SHQ1: variants seen among roughly 807,000 people sequenced by gnomAD.
SHQ1 encodes the protein protein SHQ1 homolog.
SHQ1 carries 49 observed loss-of-function variants against 53.8 expected under a neutral mutation model. That is an observed-to-expected ratio of 0.91 (90% CI 0.72 to 1.16). The LOEUF (loss-of-function observed/expected upper bound fraction) is 1.16, where lower values mean the gene tolerates loss of function less well. SHQ1 is among the 50% of genes most tolerant of loss of function. SHQ1 has a pLI of 0.00. For missense variants in SHQ1, 738 were observed against 683.1 expected (o/e 1.08, Z -0.90); for synonymous variants, 243 against 251.0 (o/e 0.97, Z 0.30).
the SHQ1 span, among the ~76,000 whole-genome samples, chr3:72,741,501 G>T: frequency 6.6e-6 from 1 of 152,016 alleles, no homozygotes; most frequent in Non-Finnish European, 1.5e-5. Flanking sequence ...CAGTAGAATT[G>T]CTTGAACCCA....
chr3:72,837,065 C>T (rs1049347324), intron 4 of SHQ1, among the ~76,000 whole-genome samples: 5 of 152,208 alleles, frequency 3.3e-5, no homozygotes, highest in African/African-American at 9.7e-5. Flanking sequence ...GTCCCAGGAG[C>T]TTGCTGGGTT....
chr3:72,811,516 GCT>G (rs1214027310), intron 9 of SHQ1, among the ~76,000 whole-genome samples: 2 of 152,168 alleles, frequency 1.3e-5, no homozygotes, highest in African/African-American at 2.4e-5. Context: ...CTCAATGATA[GCT>G]CTTTCATCCT....
chr3:72,758,633 G>A (rs924196868), intron 10 of SHQ1, among the ~76,000 whole-genome samples: 58 of 143,442 alleles, frequency 4.0e-4, no homozygotes, highest in African/African-American at 1.3e-3. Flanking sequence ...GCAATGGCAC[G>A]ATCTCGGCTC....
At chr3:72,726,037 G>A in the SHQ1 span, among the ~76,000 whole-genome samples, 4 of 152,264 alleles carry the variant, frequency 2.6e-5, no homozygotes, top group Admixed American at 2.6e-4. Context: ...GGAGGCCAAG[G>A]CAGGAGGATT....
the SHQ1 span, among the ~76,000 whole-genome samples, chr3:72,737,544 G>A: frequency 1.3e-5 from 2 of 152,144 alleles, no homozygotes; most frequent in African/African-American, 4.8e-5. Context: ...GGACCCCCAG[G>A]ATACCAAAAT....
chr3:72,848,393 C>G lies in SHQ1; in HGVS notation c.-53G>C, dbSNP rs1335435561. The stretch of plus-strand genomic sequence containing the variant: ...CGCTCGCTCTCACTGCCGCCGCGTT[C>G]CCGCCACGCAAACTCTCCAACTCCC... On this transcript the variant is annotated 5_prime_UTR_variant, in exon 1 of 11. Transcript: ENST00000325599. The G allele has an allele frequency of 1.2e-6, 2 of 1,604,242 alleles. No homozygotes were observed. Among genetic ancestry groups the G allele is most frequent in the African/African-American group, 2.7e-5 (2 of 74,658 alleles).
chr3:72,826,024 C>T (rs1406908701), intron 5 of SHQ1, among the ~76,000 whole-genome samples: 2 of 152,118 alleles, frequency 1.3e-5, no homozygotes, highest in South Asian at 2.1e-4. Context: ...AACTGAGGCT[C>T]AGAAAAGTTT....
chr3:72,802,298 T>C (rs1706812109), intron 9 of SHQ1, among the ~76,000 whole-genome samples: 2 of 152,156 alleles, frequency 1.3e-5, no homozygotes. Flanking sequence ...CTTCCTTGGG[T>C]CTAGGCAAGA....
intron 10 of SHQ1, among the ~76,000 whole-genome samples, chr3:72,776,233 T>G (rs920735405): frequency 6.6e-6 from 1 of 152,220 alleles, no homozygotes; most frequent in Non-Finnish European, 1.5e-5. Flanking sequence ...ATGTGCCACA[T>G]AACAACGTTG....
At chr3:72,809,676 G>A (rs929614580) in intron 9 of SHQ1, 1 of 152,086 alleles carries the variant, frequency 6.6e-6, no homozygotes, top group Non-Finnish European at 1.5e-5. Flanking sequence ...TCTTCTGAGT[G>A]GGCCAGGTGC....
chr3:72,846,172 CTAGAGT>C, intron 1 of SHQ1: 2 of 1,511,716 alleles, frequency 1.3e-6, no homozygotes, highest in Non-Finnish European at 1.8e-6. Flanking sequence ...CTCTATAAGC[CTAGAGT>C]TAAATTCTTA....
chr3:72,821,524 A>T (rs528484861), intron 6 of SHQ1, among the ~76,000 whole-genome samples: 11 of 152,326 alleles, frequency 7.2e-5, no homozygotes, highest in African/African-American at 2.6e-4. Flanking sequence ...ACCAAGGGAG[A>T]AAAAGAGGGA....
chr3:72,783,660 T>C (rs1289418832), intron 10 of SHQ1, among the ~76,000 whole-genome samples: 1 of 152,232 alleles, frequency 6.6e-6, no homozygotes, highest in East Asian at 1.9e-4. Context: ...ATGATGTCCA[T>C]GGTACATATG....
At chr3:72,774,469 CAAT>C (rs1705915712) in intron 10 of SHQ1, among the ~76,000 whole-genome samples, 1 of 151,478 alleles carries the variant, frequency 6.6e-6, no homozygotes, top group African/African-American at 2.4e-5. Flanking sequence ...AATTTCTAAA[CAAT>C]GATATAATTC....
chr3:72,780,446 G>C (rs959077229), intron 10 of SHQ1, among the ~76,000 whole-genome samples: 2 of 152,156 alleles, frequency 1.3e-5, no homozygotes, highest in African/African-American at 4.8e-5. Flanking sequence ...CTTCTAGTAA[G>C]AACTAAACCC....
At chr3:72,811,789 G>A (rs963671372) in intron 9 of SHQ1, among the ~76,000 whole-genome samples, 2 of 152,156 alleles carry the variant, frequency 1.3e-5, no homozygotes, top group African/African-American at 2.4e-5. Context: ...GTCACCTGGA[G>A]GTAGAAGGAA....
chr3:72,807,432 A>G (rs1343955442), intron 9 of SHQ1, among the ~76,000 whole-genome samples: 4 of 152,248 alleles, frequency 2.6e-5, no homozygotes, highest in African/African-American at 9.6e-5. Flanking sequence ...CAATGTATTT[A>G]AAGAGTAAAA....
At chr3:72,831,621 T>C (rs1263805855) in intron 5 of SHQ1, among the ~76,000 whole-genome samples, 1 of 152,192 alleles carries the variant, frequency 6.6e-6, no homozygotes, top group African/African-American at 2.4e-5. Flanking sequence ...TACATCAACA[T>C]AAAACCCTCA....
At chr3:72,770,591 C>T (rs1705825829) in intron 10 of SHQ1, among the ~76,000 whole-genome samples, 1 of 151,780 alleles carries the variant, frequency 6.6e-6, no homozygotes, top group Admixed American at 6.6e-5. Flanking sequence ...AAGAAAAATG[C>T]CCAGAAAGTA....
Sources: allele counts gnomAD v4.1 joint callset (sites outside exome capture counted in the v4.1 genomes callset), GRCh38; gene constraint gnomAD v4.1.1; transcripts MANE v1.5; gene names NCBI Gene and HGNC (gene_info 2026-07-23, HGNC 2026-07-21).